OPHN1: variants seen among roughly 807,000 people sequenced by gnomAD.
OPHN1 encodes the protein oligophrenin-1.
A neutral mutation model predicts 60.7 loss-of-function variants in OPHN1; 11 were observed. That is an observed-to-expected ratio of 0.18 (90% confidence interval 0.11 to 0.30). OPHN1 has a LOEUF of 0.30. Ranked by LOEUF, OPHN1 falls within the 10% of genes least tolerant of loss-of-function variation. The pLI is 1.00. For missense variants in OPHN1, 449 were observed against 611.0 expected, an observed-to-expected ratio of 0.73 and a Z score of 2.80; for synonymous variants, 226 against 222.6, an observed-to-expected ratio of 1.02 and a Z score of -0.14.
intron 2 of OPHN1, among the ~76,000 whole-genome samples, chrX:68,391,735 G>T (rs1217745275): frequency 1.8e-5 from 2 of 111,603 alleles, no homozygotes; most frequent in Non-Finnish European, 3.8e-5. Flanking sequence ...TAAGAGGGAC[G>T]TAGGAGGATC....
At chrX:68,229,666 G>A (rs1418972218) in intron 6 of OPHN1, among the ~76,000 whole-genome samples, 3 of 111,911 alleles carry the variant, frequency 2.7e-5, no homozygotes, top group Non-Finnish European at 5.6e-5. Flanking sequence ...ATGGGGAAAC[G>A]ATTCCCTTTT....
intron 15 of OPHN1, among the ~76,000 whole-genome samples, chrX:68,153,254 G>T (rs1204770216): frequency 9.1e-6 from 1 of 109,523 alleles, no homozygotes; most frequent in Non-Finnish European, 1.9e-5. Flanking sequence ...AAGCAAATGG[G>T]CAAATTATTA....
intron 2 of OPHN1, among the ~76,000 whole-genome samples, chrX:68,363,878 T>C (rs1342650106): frequency 9.0e-6 from 1 of 111,135 alleles, no homozygotes; most frequent in East Asian, 2.8e-4. Flanking sequence ...TGAAATGAGA[T>C]TGGAAAAAAA....
chrX:68,395,891 G>A (rs1462213486), intron 2 of OPHN1, among the ~76,000 whole-genome samples: 1 of 111,415 alleles, frequency 9.0e-6, no homozygotes, highest in Admixed American at 9.6e-5. Context: ...CAGCCATTAA[G>A]TTTAAGTATT....
intron 5 of OPHN1, among the ~76,000 whole-genome samples, chrX:68,246,886 G>T (rs1023005009): frequency 1.8e-5 from 2 of 111,009 alleles, no homozygotes; most frequent in African/African-American, 6.5e-5. Flanking sequence ...ACCTCAGGAA[G>T]ATTAAATATC....
chrX:68,201,054 C>T (rs2077533271), intron 11 of OPHN1, among the ~76,000 whole-genome samples: 1 of 111,599 alleles, frequency 9.0e-6, no homozygotes, highest in Non-Finnish European at 1.9e-5. Context: ...ACAAACACAA[C>T]GAAGTCCAAA....
chrX:68,403,303 A>G (rs2078724724), intron 2 of OPHN1, among the ~76,000 whole-genome samples: 1 of 111,750 alleles, frequency 8.9e-6, no homozygotes, highest in Non-Finnish European at 1.9e-5. Flanking sequence ...CCGGTGTCAA[A>G]TGCCTTTAAG....
chrX:68,144,668 A>G (rs1179989532), intron 15 of OPHN1, among the ~76,000 whole-genome samples: 2 of 112,157 alleles, frequency 1.8e-5, no homozygotes, highest in Non-Finnish European at 3.8e-5. Context: ...TGCCACTGCA[A>G]TGTCTAAAGC....
At chrX:68,377,222 G>A (rs1198020569) in intron 2 of OPHN1, among the ~76,000 whole-genome samples, 1 of 105,335 alleles carries the variant, frequency 9.5e-6, no homozygotes, top group Non-Finnish European at 1.9e-5. Flanking sequence ...TCAGCCTCCC[G>A]AGTAGCTGGG....
chrX:68,101,587 G>A (rs1413349412), intron 18 of OPHN1, among the ~76,000 whole-genome samples: 2 of 112,097 alleles, frequency 1.8e-5, no homozygotes, highest in African/African-American at 6.5e-5. Context: ...TAAAGACTCA[G>A]GTAAAAGTCA....
At chrX:68,208,482 C>T (rs1352632254) in intron 9 of OPHN1, among the ~76,000 whole-genome samples, 1 of 111,653 alleles carries the variant, frequency 9.0e-6, no homozygotes, top group African/African-American at 3.3e-5. Context: ...GATATATGCC[C>T]CAAATACAGT....
chrX:68,228,872 C>T (rs1414793066), intron 6 of OPHN1, among the ~76,000 whole-genome samples: 1 of 110,539 alleles, frequency 9.0e-6, no homozygotes, highest in Non-Finnish European at 1.9e-5. Flanking sequence ...TGCCCTCTCT[C>T]ACCACTCCTA....
At chrX:68,272,471 C>T (rs1422579938) in intron 5 of OPHN1, among the ~76,000 whole-genome samples, 4 of 112,057 alleles carry the variant, frequency 3.6e-5, no homozygotes, top group African/African-American at 1.3e-4. Context: ...AACAATGAAC[C>T]GCATATACAA....
chrX:68,131,961 A>G (rs757799274), intron 15 of OPHN1, among the ~76,000 whole-genome samples: 1 of 112,875 alleles, frequency 8.9e-6, no homozygotes, highest in Admixed American at 9.4e-5. Flanking sequence ...TTTCTCTTAA[A>G]TAATTCTTTA....
intron 15 of OPHN1, among the ~76,000 whole-genome samples, chrX:68,125,211 G>A (rs978307051): frequency 3.6e-5 from 4 of 111,255 alleles, no homozygotes; most frequent in African/African-American, 1.3e-4. Context: ...TAAGATGGAA[G>A]GTTATAGCTA....
intron 5 of OPHN1, among the ~76,000 whole-genome samples, chrX:68,252,081 A>T (rs760386930): frequency 2.9e-4 from 32 of 111,636 alleles, no homozygotes; most frequent in Middle Eastern, 4.7e-3. Flanking sequence ...CCCACCATGC[A>T]CTTCTGCCAC....
At chrX:68,305,977 T>C (rs1414362376) in intron 2 of OPHN1, among the ~76,000 whole-genome samples, 2 of 111,835 alleles carry the variant, frequency 1.8e-5, no homozygotes, top group Admixed American at 1.9e-4. Flanking sequence ...CTGAGAACAA[T>C]GTCTCACCAA....
chrX:68,254,610 C>A, intron 5 of OPHN1, among the ~76,000 whole-genome samples: 1 of 111,325 alleles, frequency 9.0e-6, no homozygotes, highest in Non-Finnish European at 1.9e-5. Context: ...AAATATTGTC[C>A]TAGGAGTGGG....
intron 15 of OPHN1, among the ~76,000 whole-genome samples, chrX:68,191,297 T>C (rs976412755): frequency 9.0e-6 from 1 of 111,609 alleles, no homozygotes; most frequent in African/African-American, 3.3e-5. Context: ...GCCTCAGTGA[T>C]GTCCATTTAC....
Sources: allele counts gnomAD v4.1 joint callset (sites outside exome capture counted in the v4.1 genomes callset), GRCh38; gene constraint gnomAD v4.1.1; transcripts MANE v1.5; gene names NCBI Gene and HGNC (gene_info 2026-07-23, HGNC 2026-07-21).